Variants in RPA2 observed in about 807,000 individuals in gnomAD.
RPA2 encodes the protein replication protein A 32 kDa subunit.
RPA2 carries 22 observed loss-of-function variants against 33.4 expected under a neutral mutation model. That is an observed-to-expected ratio of 0.66 (90% CI 0.47 to 0.94). The LOEUF is 0.94. RPA2 is among the 40% of genes least tolerant of loss of function. RPA2 has a pLI of 0.00. For missense variants in RPA2, 279 were observed against 329.9 expected, an observed-to-expected ratio of 0.85 and a Z score of 1.19; for synonymous variants, 109 against 114.9, an observed-to-expected ratio of 0.95 and a Z score of 0.33.
At chr1:27,894,940 T>C (rs1371902831) in intron 6 of RPA2, among the ~76,000 whole-genome samples, 1 of 152,172 alleles carries the variant, frequency 6.6e-6, no homozygotes, top group African/African-American at 2.4e-5. Context: ...TTCACCAAAG[T>C]CACCAAAGAC....
At chr1:27,899,754 C>T (rs2089943522) in intron 4 of RPA2, among the ~76,000 whole-genome samples, 3 of 152,052 alleles carry the variant, frequency 2.0e-5, no homozygotes, top group Admixed American at 6.6e-5. Context: ...GATCTCAGCT[C>T]ACTGCAAGCT....
In RPA2 at chr1:27,899,513, G is replaced by GAA. The variant is rs67126026; in HGVS notation, c.334-1808_334-1807dup. Among the ~76,000 whole-genome samples, 247 of 107,566 alleles carry GAA rather than the reference G, an allele frequency of 2.3e-3. 1 individual carries two copies. The highest frequency in any genetic ancestry group is 7.9e-3 in the African/African-American group (225 of 28,338). The allele number at this position is 107,566 out of a possible 152,430, so 70.6% of individuals were successfully genotyped here. ...CAGGACTCTATCTCAAAAAAAAAAA[G>GAA]AAAAAAAAAAAAAAAAAACCACACA... On this transcript the variant is annotated intron_variant, in intron 4 of 8. Transcript: ENST00000373912.
At chr1:27,903,062 T>C (rs192926601) in intron 4 of RPA2, among the ~76,000 whole-genome samples, 1 of 152,252 alleles carries the variant, frequency 6.6e-6, no homozygotes, top group East Asian at 1.9e-4. Context: ...CCCGAGTAGC[T>C]GGTATTATAG....
intron 2 of RPA2, among the ~76,000 whole-genome samples, chr1:27,907,997 A>G (rs370447247): frequency 8.6e-5 from 13 of 151,574 alleles, no homozygotes; most frequent in African/African-American, 3.2e-4. Flanking sequence ...TATATGTGCC[A>G]GCATTTTGCA....
chr1:27,909,144 C>T (rs1338826829), intron 2 of RPA2, among the ~76,000 whole-genome samples: 1 of 152,140 alleles, frequency 6.6e-6, no homozygotes, highest in African/African-American at 2.4e-5. Context: ...GGCACAAAAA[C>T]GATGAGAGCT....
At chr1:27,903,332 C>T (rs2089990029) in intron 4 of RPA2, among the ~76,000 whole-genome samples, 1 of 152,170 alleles carries the variant, frequency 6.6e-6, no homozygotes, top group African/African-American at 2.4e-5. Flanking sequence ...TGTTCCCTGA[C>T]TGGGTCCACT....
rs1379022395 is a variant in RPA2 at position 27,894,040 on chromosome 1, G to A, written c.700C>T (p.Leu234=). 1 of 1,614,110 alleles carries A rather than the reference G, an allele frequency of 6.2e-7. No homozygotes were observed. The highest frequency in any genetic ancestry group is 1.7e-5 in the Admixed American group (1 of 60,024). ...ATTGAGGATACAGACATGTGTTTCA[G>A]CTGGTTCTTGAGATCCTGAAAGTTC... ...GLNFQDLKNQ[L]KHMSVSSIKQ... Residue 234 remains leucine (L), a synonymous_variant, in exon 8 of 9, where the codon CTG becomes TTG. Transcript: ENST00000373912.
At chr1:27,912,828 G>A (rs1001640199) in intron 2 of RPA2, among the ~76,000 whole-genome samples, 2 of 152,168 alleles carry the variant, frequency 1.3e-5, no homozygotes, top group Non-Finnish European at 2.9e-5. Flanking sequence ...GACATTTTAA[G>A]GTATGTTAGC....
At chr1:27,908,867 C>G (rs1194525777) in intron 2 of RPA2, among the ~76,000 whole-genome samples, 1 of 152,192 alleles carries the variant, frequency 6.6e-6, no homozygotes, top group East Asian at 1.9e-4. Flanking sequence ...AAGAGGTAGT[C>G]TGGGTAACAT....
chr1:27,914,367 A>T, intron 1 of RPA2, 67 bp downstream of exon 1: 1 of 1,613,734 alleles, frequency 6.2e-7, no homozygotes, highest in Non-Finnish European at 8.5e-7. Flanking sequence ...CTCGGACCCT[A>T]GGCTCGCCCT....
intron 4 of RPA2, among the ~76,000 whole-genome samples, chr1:27,899,654 A>G (rs375696645): frequency 1.3e-5 from 2 of 152,106 alleles, no homozygotes; most frequent in Non-Finnish European, 1.5e-5. Flanking sequence ...AATTATAATA[A>G]AAGAAACCAT....
At chr1:27,897,196 C>T in intron 5 of RPA2, 75 bp from the exon 6 acceptor site, 1 of 970,518 alleles carries the variant, frequency 1.0e-6, no homozygotes, top group Non-Finnish European at 1.6e-6. Flanking sequence ...GTGGCTCTTT[C>T]CTTGGTTATA....
At chr1:27,911,935 A>T (rs1251651916) in intron 2 of RPA2, among the ~76,000 whole-genome samples, 1 of 152,028 alleles carries the variant, frequency 6.6e-6, no homozygotes, top group Non-Finnish European at 1.5e-5. Context: ...TACTAAAAAA[A>T]TACAAAAAAC....
rs371751472 is a variant in RPA2, at chr1:27,914,492, G to A, written c.-49C>T. 4.4e-6 allele frequency: 7 copies of A among 1,593,182 alleles called. No homozygotes were observed. The African/African-American group carries it at 6.7e-5, about 15-fold the overall frequency. On this transcript the variant is annotated 5_prime_UTR_variant, in exon 1 of 9. Transcript: ENST00000373912. Reference sequence around the variant, plus strand: ...AGGCCGAGAAGGTGCGGGTCTGGGGGAATAGCGGAAAACCACAGAACGCGG... The same window carrying A: ...AGGCCGAGAAGGTGCGGGTCTGGGGAAATAGCGGAAAACCACAGAACGCGG...
At chr1:27,909,392 C>T (rs954425010) in intron 2 of RPA2, among the ~76,000 whole-genome samples, 1 of 152,132 alleles carries the variant, frequency 6.6e-6, no homozygotes. Flanking sequence ...AGCAGCCAAG[C>T]TTGAGGGTTA....
At chr1:27,912,776 C>T (rs1246430006) in intron 2 of RPA2, among the ~76,000 whole-genome samples, 1 of 152,122 alleles carries the variant, frequency 6.6e-6, no homozygotes, top group East Asian at 1.9e-4. Context: ...TGTTCTGGCT[C>T]CATAGCCTGT....
chr1:27,900,390 G>A (rs1244510447), intron 4 of RPA2, among the ~76,000 whole-genome samples: 1 of 151,926 alleles, frequency 6.6e-6, no homozygotes, highest in Non-Finnish European at 1.5e-5. Flanking sequence ...GAGATTACAC[G>A]CATGAGCCAC....
At chr1:27,899,059 C>G (rs1232972438) in intron 4 of RPA2, among the ~76,000 whole-genome samples, 1 of 151,908 alleles carries the variant, frequency 6.6e-6, no homozygotes, top group African/African-American at 2.4e-5. Flanking sequence ...AAACAAAAAA[C>G]TAGAAAATAT....
Position 27,903,423 on chromosome 1 carries a change from TA to T in RPA2, c.333+3504del, listed in dbSNP as rs199625083. 5.4e-3 allele frequency among the ~76,000 whole-genome samples: 815 copies of T among 152,030 alleles called. 16 individuals are homozygous for T. The highest frequency in any genetic ancestry group is 0.02 in the East Asian group (102 of 5,158). Reference sequence around the variant, plus strand: ...AGATGTAAATCTTTACAGATAACATTAAAAAATCAGTTCTTGGCTGGGCCAT... The same window carrying T: ...AGATGTAAATCTTTACAGATAACATTAAAAATCAGTTCTTGGCTGGGCCAT... On this transcript the variant is annotated intron_variant, in intron 4 of 8. Coordinates refer to ENST00000373912, the MANE Select transcript of RPA2 (RefSeq NM_002946.5).
Sources: gnomAD v4.1 joint callset for allele counts (sites outside exome capture counted in the v4.1 genomes callset) on GRCh38, gnomAD v4.1.1 for gene constraint, MANE v1.5 for transcripts, NCBI Gene and HGNC (gene_info 2026-07-23, HGNC 2026-07-21) for gene names.